PCCA: variants seen among roughly 807,000 people sequenced by gnomAD.
PCCA encodes propionyl-CoA carboxylase alpha chain, mitochondrial.
A neutral mutation model predicts 101.3 loss-of-function variants in PCCA; 74 were observed. The ratio of observed to expected loss-of-function variants is 0.73; its 90% CI spans 0.61 to 0.89. The LOEUF (loss-of-function observed/expected upper bound fraction) is 0.89, where lower values mean the gene tolerates loss of function less well. Among genes scored for constraint, PCCA ranks in the 40% least tolerant of loss-of-function variants. The pLI, the probability that PCCA is intolerant of heterozygous loss-of-function variation, is 0.00. For synonymous variants in PCCA, 294 were observed against 313.6 expected (o/e 0.94, Z 0.66); for missense variants, 891 against 907.0 (o/e 0.98, Z 0.23).
intron 9 of PCCA, among the ~76,000 whole-genome samples, chr13:100,261,143 A>G (rs1302585881): frequency 1.3e-5 from 2 of 152,148 alleles, no homozygotes; most frequent in Non-Finnish European, 2.9e-5. Context: ...AGCAAATTGG[A>G]TAGTTATTTC....
At chr13:100,301,723 A>G in intron 13 of PCCA, 120 bp downstream of exon 13, 1 of 1,139,768 alleles carries the variant, frequency 8.8e-7, no homozygotes, top group African/African-American at 1.5e-5. Flanking sequence ...TGGATTACGT[A>G]ATCCATAATT....
intron 8 of PCCA, among the ~76,000 whole-genome samples, chr13:100,244,612 T>G (rs1206067515): frequency 2.0e-5 from 3 of 151,442 alleles, no homozygotes; most frequent in African/African-American, 7.4e-5. Flanking sequence ...AAAAAAACAT[T>G]GCTTTTTTTG....
intron 19 of PCCA, among the ~76,000 whole-genome samples, chr13:100,417,330 G>A (rs1455588611): frequency 2.0e-5 from 3 of 152,150 alleles, no homozygotes; most frequent in Admixed American, 6.5e-5. Flanking sequence ...TTTAAGTGAC[G>A]GTGGAATGGT....
At chr13:100,252,791 T>C (rs1313859374) in intron 8 of PCCA, among the ~76,000 whole-genome samples, 1 of 152,220 alleles carries the variant, frequency 6.6e-6, no homozygotes, top group African/African-American at 2.4e-5. Context: ...AGTCTTTGTC[T>C]TTCTCTCTAT....
chr13:100,436,021 CA>C (rs1330960067), intron 20 of PCCA, among the ~76,000 whole-genome samples: 3 of 150,324 alleles, frequency 2.0e-5, no homozygotes, highest in Non-Finnish European at 4.4e-5. Context: ...CCAGCTTAGG[CA>C]ACAAGAGCGA....
intron 7 of PCCA, among the ~76,000 whole-genome samples, chr13:100,227,056 T>C (rs2060185445): frequency 6.6e-6 from 1 of 152,144 alleles, no homozygotes. Flanking sequence ...CATACTGGAG[T>C]GCAGTGGCAC....
intron 4 of PCCA, among the ~76,000 whole-genome samples, chr13:100,131,331 G>A (rs1227111840): frequency 6.6e-6 from 1 of 152,228 alleles, no homozygotes; most frequent in East Asian, 1.9e-4. Flanking sequence ...CACAGGAACT[G>A]TTCTGGCTTA....
intron 6 of PCCA, among the ~76,000 whole-genome samples, chr13:100,186,738 C>CAAAAAAA (rs376028376): frequency 1.2e-5 from 1 of 84,096 alleles, no homozygotes; most frequent in Non-Finnish European, 2.4e-5. Flanking sequence ...GATTCCATCT[C>CAAAAAAA]AAAAAAAAAA....
intron 18 of PCCA, among the ~76,000 whole-genome samples, chr13:100,342,057 A>C (rs1284615468): frequency 6.7e-6 from 1 of 150,334 alleles, no homozygotes; most frequent in Non-Finnish European, 1.5e-5. Context: ...AATTAGAGTC[A>C]TAAACCTGGG....
chr13:100,494,839 A>C (rs2085164230), intron 21 of PCCA, among the ~76,000 whole-genome samples: 1 of 151,860 alleles, frequency 6.6e-6, no homozygotes. Flanking sequence ...TGACATCCCT[A>C]CTTCTGGAAA....
intron 4 of PCCA, among the ~76,000 whole-genome samples, chr13:100,153,073 GA>G (rs1317331138): frequency 1.6e-4 from 24 of 148,584 alleles, no homozygotes; most frequent in Middle Eastern, 3.5e-3. Flanking sequence ...TAAACATAAT[GA>G]AAAAAAAATA....
chr13:100,207,949 C>A (rs181319386), intron 6 of PCCA, among the ~76,000 whole-genome samples: 1 of 152,026 alleles, frequency 6.6e-6, no homozygotes, highest in East Asian at 2.0e-4. Context: ...ACCCGGGAGA[C>A]GGAGGTTGCA....
chr13:100,267,776 T>C (rs1205386883), intron 10 of PCCA, among the ~76,000 whole-genome samples: 2 of 152,196 alleles, frequency 1.3e-5, no homozygotes, highest in Non-Finnish European at 2.9e-5. Context: ...CATGTTAAAT[T>C]TGAATTTCAG....
At chr13:100,214,839 G>A (rs1345718829) in intron 7 of PCCA, among the ~76,000 whole-genome samples, 6 of 151,692 alleles carry the variant, frequency 4.0e-5, no homozygotes, top group African/African-American at 1.5e-4. Flanking sequence ...TCTTGATATC[G>A]TCTTCACTGT....
intron 21 of PCCA, among the ~76,000 whole-genome samples, chr13:100,458,392 A>ACG (rs2081925490): frequency 7.2e-6 from 1 of 139,222 alleles, no homozygotes. Flanking sequence ...ACACACGCAC[A>ACG]TATACACACA....
At chr13:100,145,144 G>A (rs75140729) in intron 4 of PCCA, among the ~76,000 whole-genome samples, 1 of 152,356 alleles carries the variant, frequency 6.6e-6, no homozygotes, top group East Asian at 1.9e-4. Context: ...GAGAACTTGT[G>A]TAAGGACACA....
intron 19 of PCCA, among the ~76,000 whole-genome samples, chr13:100,383,263 A>G (rs2076327016): frequency 1.3e-5 from 2 of 151,096 alleles, no homozygotes; most frequent in African/African-American, 4.9e-5. Context: ...AAGTGCTGGG[A>G]TTACAGGCAT....
At chr13:100,090,619 T>C (rs1302207755) in intron 1 of PCCA, among the ~76,000 whole-genome samples, 3 of 152,180 alleles carry the variant, frequency 2.0e-5, no homozygotes, top group Non-Finnish European at 1.5e-5. Flanking sequence ...TTTACTCTAG[T>C]AGGGAGACTG....
chr13:100,114,584 C>T (rs1008085187), intron 4 of PCCA, among the ~76,000 whole-genome samples: 2 of 151,970 alleles, frequency 1.3e-5, no homozygotes, highest in African/African-American at 4.8e-5. Flanking sequence ...GGCGACCAGG[C>T]GAGACTATGT....
Sources: allele counts gnomAD v4.1 joint callset (sites outside exome capture counted in the v4.1 genomes callset), GRCh38; gene constraint gnomAD v4.1.1; transcripts MANE v1.5; gene names NCBI Gene and HGNC (gene_info 2026-07-23, HGNC 2026-07-21).